Variants in CSMD1 observed in about 807,000 individuals in gnomAD.
CSMD1 encodes the protein CUB and Sushi multiple domains 1.
Under a neutral mutation model 417.5 loss-of-function variants are expected in CSMD1, and 213 were observed. The observed-to-expected ratio is 0.51, with a 90% CI of 0.46 to 0.57. The LOEUF is 0.57. Among genes scored for constraint, CSMD1 ranks in the 20% least tolerant of loss-of-function variants. The probability of loss-of-function intolerance (pLI) is 0.00; values close to 1 mark genes in which losing one functional copy is unlikely to be tolerated. For synonymous variants in CSMD1, 2,862 were observed against 1,736.8 expected (o/e 1.65, Z -16.11); for missense variants, 6,923 against 4,529.7 (o/e 1.53, Z -15.17).
intron 5 of CSMD1, among the ~76,000 whole-genome samples, chr8:3,936,099 A>G: frequency 6.6e-6 from 1 of 152,160 alleles, no homozygotes; most frequent in South Asian, 2.1e-4. Flanking sequence ...CTTAAGCCAA[A>G]GCCTAACTCT....
rs114944440 is a variant in CSMD1 at position 3,723,778 on chromosome 8, A to C, written c.932-15287T>G. 4.4e-3 allele frequency among the ~76,000 whole-genome samples: 673 copies of C among 152,318 alleles called. 4 individuals carry two copies. Among genetic ancestry groups the C allele is most frequent in the African/African-American group, 0.015 (625 of 41,570 alleles). On this transcript the variant is annotated intron_variant, in intron 6 of 69. Transcript: ENST00000635120. ...ACACTAACATTTGAAAGAGATGCATAAAGTGAACCCATGATTTCAAAATGA... is the reference window on the plus strand; with the variant it reads ...ACACTAACATTTGAAAGAGATGCATCAAGTGAACCCATGATTTCAAAATGA...
intron 7 of CSMD1, among the ~76,000 whole-genome samples, chr8:3,690,430 C>G (rs1362559002): frequency 1.3e-5 from 2 of 152,206 alleles, no homozygotes; most frequent in East Asian, 3.8e-4. Context: ...GCAATTTCTT[C>G]TGTATGTGGG....
chr8:4,393,379 G>A (rs1307603275), intron 3 of CSMD1, among the ~76,000 whole-genome samples: 1 of 152,268 alleles, frequency 6.6e-6, no homozygotes, highest in South Asian at 2.1e-4. Context: ...AGAAACTGAA[G>A]GAGAAATTCA....
intron 37 of CSMD1, among the ~76,000 whole-genome samples, chr8:3,166,841 A>G (rs1820250870): frequency 6.6e-6 from 1 of 152,262 alleles, no homozygotes. Flanking sequence ...AATTTTCCAG[A>G]AGCAGAGATA....
At chr8:4,050,026 G>C (rs1466473347) in intron 3 of CSMD1, among the ~76,000 whole-genome samples, 1 of 152,276 alleles carries the variant, frequency 6.6e-6, no homozygotes, top group East Asian at 1.9e-4. Context: ...TTCAGAAGTT[G>C]CGGCCAGATA....
At chr8:3,288,097 G>C (rs1056855411) in intron 25 of CSMD1, among the ~76,000 whole-genome samples, 1 of 147,302 alleles carries the variant, frequency 6.8e-6, no homozygotes, top group Non-Finnish European at 1.5e-5. Context: ...TTATATGCTG[G>C]ATTACATTTA....
At chr8:4,600,055 G>C (rs1294949807) in intron 2 of CSMD1, among the ~76,000 whole-genome samples, 1 of 152,178 alleles carries the variant, frequency 6.6e-6, no homozygotes, top group Non-Finnish European at 1.5e-5. Context: ...CCCACCAATG[G>C]CTTGTCCTTC....
intron 10 of CSMD1, among the ~76,000 whole-genome samples, chr8:3,537,866 C>G (rs190694541): frequency 3.3e-5 from 5 of 152,168 alleles, no homozygotes; most frequent in African/African-American, 1.2e-4. Context: ...AATTCAGGAG[C>G]CTCTTCTCCC....
intron 10 of CSMD1, among the ~76,000 whole-genome samples, chr8:3,564,529 G>GTGTGTGTA (rs1324292259): frequency 2.6e-5 from 4 of 151,250 alleles, no homozygotes; most frequent in African/African-American, 9.7e-5. Context: ...GTGTGTGTGT[G>GTGTGTGTA]TGTGTGTGTG....
chr8:3,031,882 A>G (rs1237282441), intron 50 of CSMD1, among the ~76,000 whole-genome samples: 7 of 148,782 alleles, frequency 4.7e-5, no homozygotes, highest in Admixed American at 4.0e-4. Context: ...TTTTTTGGCT[A>G]TGCTATACCC....
At chr8:3,434,620 A>G (rs979433777) in intron 12 of CSMD1, among the ~76,000 whole-genome samples, 4 of 152,200 alleles carry the variant, frequency 2.6e-5, no homozygotes, top group Non-Finnish European at 5.9e-5. Flanking sequence ...AATCCCATTT[A>G]TTAGTGTTAA....
chr8:3,181,281 T>C, intron 36 of CSMD1, 67 bp from the exon 37 acceptor site: 1 of 1,058,528 alleles, frequency 9.4e-7, no homozygotes, highest in Non-Finnish European at 1.4e-6. Context: ...ATATAAAACA[T>C]ATGAGAATAC....
intron 10 of CSMD1, among the ~76,000 whole-genome samples, chr8:3,550,002 T>C (rs963487410): frequency 2.6e-5 from 4 of 152,230 alleles, no homozygotes; most frequent in African/African-American, 9.6e-5. Flanking sequence ...GTTGCTTATG[T>C]TTTAATGACC....
At chr8:4,482,998 T>A (rs192730575) in intron 2 of CSMD1, among the ~76,000 whole-genome samples, 1 of 152,128 alleles carries the variant, frequency 6.6e-6, no homozygotes, top group African/African-American at 2.4e-5. Flanking sequence ...GTAAAATAGT[T>A]TAGCAATTGA....
chr8:3,972,090 T>A (rs955719408), intron 5 of CSMD1, among the ~76,000 whole-genome samples: 1 of 152,118 alleles, frequency 6.6e-6, no homozygotes, highest in African/African-American at 2.4e-5. Flanking sequence ...AGGCTGATCC[T>A]GACTTCCTGG....
chr8:4,600,809 C>G (rs1480827909), intron 2 of CSMD1, among the ~76,000 whole-genome samples: 1 of 152,142 alleles, frequency 6.6e-6, no homozygotes, highest in African/African-American at 2.4e-5. Flanking sequence ...ATCAATCTCT[C>G]AATCTTGACA....
chr8:2,998,305 C>G (rs1333675003), intron 53 of CSMD1, 121 bp from the exon 54 acceptor site: 5 of 934,900 alleles, frequency 5.3e-6, no homozygotes, highest in Non-Finnish European at 4.8e-6. Context: ...TTCCACTAAC[C>G]AGGCAGCTTA....
chr8:3,699,787 T>C (rs1302310246), intron 7 of CSMD1, among the ~76,000 whole-genome samples: 6 of 152,058 alleles, frequency 3.9e-5, no homozygotes, highest in African/African-American at 9.7e-5. Context: ...TGAGTGAAGA[T>C]GTGAAATATA....
At chr8:4,241,175 C>A (rs567700102) in intron 3 of CSMD1, among the ~76,000 whole-genome samples, 2 of 152,120 alleles carry the variant, frequency 1.3e-5, no homozygotes, top group East Asian at 3.9e-4. Context: ...AAATGAAATC[C>A]TGATCGTGAA....
Sources: gnomAD v4.1 joint callset for allele counts (sites outside exome capture counted in the v4.1 genomes callset) on GRCh38, gnomAD v4.1.1 for gene constraint, MANE v1.5 for transcripts, NCBI Gene and HGNC (gene_info 2026-07-23, HGNC 2026-07-21) for gene names.